The following WDR44 variants were observed in gnomAD, a reference collection of about 807,000 sequenced individuals.
The protein encoded by WDR44 is WD repeat-containing protein 44.
Under a neutral mutation model 65.7 loss-of-function variants are expected in WDR44, and 9 were observed. That is an observed-to-expected ratio of 0.14 (90% CI 0.08 to 0.24). The LOEUF (loss-of-function observed/expected upper bound fraction) is 0.24, where lower values mean the gene tolerates loss of function less well. Among genes scored for constraint, WDR44 ranks in the 10% least tolerant of loss-of-function variants. The probability of loss-of-function intolerance (pLI) is 1.00; values close to 1 mark genes in which losing one functional copy is unlikely to be tolerated. For synonymous variants in WDR44, 220 were observed against 235.2 expected (o/e 0.94, Z 0.59); for missense variants, 425 against 670.9 (o/e 0.63, Z 4.05).
At chrX:118,355,276 T>G (rs1439451113) in intron 1 of WDR44, among the ~76,000 whole-genome samples, 1 of 112,035 alleles carries the variant, frequency 8.9e-6, no homozygotes, top group African/African-American at 3.2e-5. Flanking sequence ...CTAGTATAAC[T>G]ACTTCTTGTC....
In WDR44 at chrX:118,432,782, T is replaced by C; in HGVS notation, c.1739T>C (p.Val580Ala). 1 of 1,203,967 alleles carries C rather than the reference T, an allele frequency of 8.3e-7. No individual in the cohort carries two copies. The highest frequency in any genetic ancestry group is 1.1e-6 in the Non-Finnish European group (1 of 888,981). Reference sequence around the variant, plus strand: ...AAGTTTATCTTTATATCCAAATAGGTATGCAGTGGAACTGATGAAGACCCT... The same window carrying C: ...AAGTTTATCTTTATATCCAAATAGGCATGCAGTGGAACTGATGAAGACCCT... The part of the protein sequence containing the change: ...SSSKSDTDTG[V>A]CSGTDEDPDD... The change falls in exon 13 of 20, where the codon GTA (valine) becomes GCA (alanine). Residue 580 changes from valine to alanine, a missense_variant and splice_region_variant. By Grantham distance (64) the Val-to-Ala change is moderately conservative (BLOSUM62 0). Transcript: ENST00000254029.
chrX:118,401,528 T>C (rs1179053728), intron 8 of WDR44, among the ~76,000 whole-genome samples: 4 of 87,810 alleles, frequency 4.6e-5, no homozygotes, highest in African/African-American at 1.4e-4. Context: ...TTTGTTTTTT[T>C]CTTGTAAATT....
chrX:118,378,504 T>C, intron 2 of WDR44, 52 bp downstream of exon 2: 1 of 1,122,367 alleles, frequency 8.9e-7, no homozygotes, highest in Non-Finnish European at 1.2e-6. Context: ...TACTTTTTAT[T>C]CGTGTTTTTG....
chrX:118,362,662 CTA>C (rs1348150844), intron 1 of WDR44, among the ~76,000 whole-genome samples: 2 of 110,254 alleles, frequency 1.8e-5, no homozygotes, highest in African/African-American at 6.6e-5. Flanking sequence ...TCAGTGAACA[CTA>C]TTAAAAAATC....
intron 10 of WDR44, 97 bp downstream of exon 10, chrX:118,407,123 G>C: frequency 1.1e-6 from 1 of 874,683 alleles, no homozygotes; most frequent in Non-Finnish European, 1.6e-6. Context: ...ATGTAACTTT[G>C]CTAGCCTGAC....
chrX:118,411,557 A>G (rs1337152168), intron 12 of WDR44, among the ~76,000 whole-genome samples: 4 of 111,625 alleles, frequency 3.6e-5, no homozygotes, highest in Admixed American at 9.5e-5. Flanking sequence ...CTGAGATTTC[A>G]TTGGCTCCAG....
chrX:118,432,550 G>A (rs997499667), intron 12 of WDR44, among the ~76,000 whole-genome samples: 1 of 111,941 alleles, frequency 8.9e-6, no homozygotes, highest in Non-Finnish European at 1.9e-5. Context: ...CTATTAGGGA[G>A]GGAAAAGATT....
chrX:118,382,236 G>T lies in WDR44; in HGVS notation c.111+3784G>T, dbSNP rs753256833. ...GCTGTGCTGCCAAGGTGGTTTTTTTGTTTGTTTGTTTGTTTGTTTTTGCTC... is the reference window on the plus strand; with the variant it reads ...GCTGTGCTGCCAAGGTGGTTTTTTTTTTTGTTTGTTTGTTTGTTTTTGCTC... On this transcript the variant is annotated intron_variant, in intron 2 of 19. Transcript: ENST00000254029. Among the ~76,000 whole-genome samples the T allele has an allele frequency of 2.0e-3, 215 of 109,590 alleles. 2 individuals carry two copies. The highest frequency in any genetic ancestry group is 9.2e-3 in the Middle Eastern group (2 of 217).
chrX:118,430,731 C>T (rs1270750638), intron 12 of WDR44, among the ~76,000 whole-genome samples: 1 of 111,311 alleles, frequency 9.0e-6, no homozygotes, highest in African/African-American at 3.3e-5. Flanking sequence ...ATCTCAGCTA[C>T]TTGGGAAGCT....
intron 1 of WDR44, among the ~76,000 whole-genome samples, chrX:118,347,258 T>G (rs1464356126): frequency 1.8e-5 from 2 of 112,343 alleles, no homozygotes; most frequent in Non-Finnish European, 3.8e-5. Flanking sequence ...AGAAGAAATG[T>G]GCACAACTGA....
intron 1 of WDR44, among the ~76,000 whole-genome samples, chrX:118,357,962 A>C (rs2056476624): frequency 1.8e-5 from 2 of 111,327 alleles, no homozygotes; most frequent in South Asian, 7.5e-4. Flanking sequence ...TCATGAGGTC[A>C]GGAGATCAAG....
Position 118,449,065 on chromosome X carries a change from A to T in WDR44, c.*78A>T, listed in dbSNP as rs2057371106. On this transcript the variant is annotated 3_prime_UTR_variant, in exon 20 of 20. Coordinates refer to ENST00000254029, the MANE Select transcript of WDR44 (RefSeq NM_019045.5). ...ACTGAAAAAATAGTGTTCCAGGCTA[A>T]CATACTTTTTTAATTTTTATTGAAA... 6.3e-6 allele frequency: 4 copies of T among 631,400 alleles called. No homozygotes were observed. The African/African-American group carries it at 9.1e-5, about 14-fold the overall frequency. The allele number at this position is 631,400 out of a possible 1,213,427, so 52.0% of individuals were successfully genotyped here.
At chrX:118,421,491 A>G (rs960038831) in intron 12 of WDR44, among the ~76,000 whole-genome samples, 2 of 112,109 alleles carry the variant, frequency 1.8e-5, no homozygotes, top group African/African-American at 3.2e-5. Context: ...GACACCAGAA[A>G]TTATCTTCTA....
chrX:118,349,220 G>T (rs1378018050), intron 1 of WDR44, among the ~76,000 whole-genome samples: 1 of 108,640 alleles, frequency 9.2e-6, no homozygotes, highest in Admixed American at 9.8e-5. Flanking sequence ...GATATTTTAG[G>T]TCAGGTTTTC....
At chrX:118,415,930 A>G (rs1396837273) in intron 12 of WDR44, among the ~76,000 whole-genome samples, 19 of 111,279 alleles carry the variant, frequency 1.7e-4, no homozygotes, top group African/African-American at 5.2e-4. Context: ...TTTTCCAGGA[A>G]TTTTTCCATC....
At chrX:118,423,838 T>C (rs1175131984) in intron 12 of WDR44, among the ~76,000 whole-genome samples, 1 of 112,182 alleles carries the variant, frequency 8.9e-6, no homozygotes, top group Non-Finnish European at 1.9e-5. Flanking sequence ...ATCATATAAG[T>C]GGCATTATGT....
chrX:118,419,795 T>C (rs1396751013), intron 12 of WDR44, among the ~76,000 whole-genome samples: 1 of 112,110 alleles, frequency 8.9e-6, no homozygotes, highest in Non-Finnish European at 1.9e-5. Flanking sequence ...GTTTCTGTTT[T>C]TTAATTGGTA....
intron 3 of WDR44, among the ~76,000 whole-genome samples, chrX:118,391,812 C>T (rs1180749757): frequency 9.0e-6 from 1 of 111,029 alleles, no homozygotes; most frequent in African/African-American, 3.3e-5. Flanking sequence ...GGTGAAACCT[C>T]GTCTCTACTA....
chrX:118,444,906 T>G, intron 19 of WDR44: 1 of 327,932 alleles, frequency 3.0e-6, no homozygotes, highest in Non-Finnish European at 5.9e-6. Context: ...TATTTCTTGT[T>G]TGCAACTTAA....
Sources: allele counts gnomAD v4.1 joint callset (sites outside exome capture counted in the v4.1 genomes callset), GRCh38; gene constraint gnomAD v4.1.1; transcripts MANE v1.5; gene names NCBI Gene and HGNC (gene_info 2026-07-23, HGNC 2026-07-21).